The following TRDN variants were observed in gnomAD, a reference collection of about 807,000 sequenced individuals.
TRDN encodes the protein triadin.
TRDN carries 161 observed loss-of-function variants against 149.7 expected under a neutral mutation model. The observed-to-expected ratio is 1.08, with a 90% CI of 0.95 to 1.23. The LOEUF (loss-of-function observed/expected upper bound fraction) is 1.23, where lower values mean the gene tolerates loss of function less well. Among genes scored for constraint, TRDN ranks in the 50% most tolerant of loss-of-function variants. The pLI, the probability that TRDN is intolerant of heterozygous loss-of-function variation, is 0.00. For missense variants in TRDN, 896 were observed against 823.5 expected (o/e 1.09, Z -1.08); for synonymous variants, 294 against 250.5 (o/e 1.17, Z -1.64).
chr6:123,551,960 T>C (rs1246459856), intron 2 of TRDN, among the ~76,000 whole-genome samples: 1 of 152,066 alleles, frequency 6.6e-6, no homozygotes, highest in African/African-American at 2.4e-5. Context: ...TTGCAGCTGC[T>C]TCAGTCATCT....
At chr6:123,373,202 T>C (rs1160320864) in intron 19 of TRDN, among the ~76,000 whole-genome samples, 1 of 152,156 alleles carries the variant, frequency 6.6e-6, no homozygotes, top group Non-Finnish European at 1.5e-5. Context: ...GGGAGGTAAT[T>C]GAATCATGGG....
chr6:123,417,341 C>CCA (rs1466220328), intron 12 of TRDN, among the ~76,000 whole-genome samples: 5 of 152,134 alleles, frequency 3.3e-5, no homozygotes, highest in African/African-American at 1.2e-4. Flanking sequence ...ACCAAAATCA[C>CCA]AGAGTGCAAT....
At chr6:123,228,096 C>T (rs942159867) in intron 38 of TRDN, among the ~76,000 whole-genome samples, 16 of 151,556 alleles carry the variant, frequency 1.1e-4, no homozygotes, top group Admixed American at 3.3e-4. Context: ...AATAGTACAC[C>T]TGCTATGTGC....
intron 38 of TRDN, among the ~76,000 whole-genome samples, chr6:123,236,204 C>T (rs1775781521): frequency 6.6e-6 from 1 of 152,106 alleles, no homozygotes. Flanking sequence ...GTTACTTATC[C>T]TAATAAATGT....
At chr6:123,496,122 T>C (rs999040293) in intron 9 of TRDN, among the ~76,000 whole-genome samples, 15 of 147,172 alleles carry the variant, frequency 1.0e-4, no homozygotes, top group South Asian at 2.1e-4. Flanking sequence ...ATATATAATA[T>C]ATATTTATAA....
intron 9 of TRDN, among the ~76,000 whole-genome samples, chr6:123,495,181 G>A (rs1037766127): frequency 5.3e-5 from 8 of 152,024 alleles, no homozygotes; most frequent in Non-Finnish European, 5.9e-5. Context: ...ACCCTACCAA[G>A]TAGCTGGGAC....
intron 19 of TRDN, 104 bp from the exon 20 acceptor site, chr6:123,366,286 A>C (rs1781097826): frequency 2.6e-6 from 3 of 1,145,526 alleles, no homozygotes; most frequent in Non-Finnish European, 1.2e-6. Flanking sequence ...TATGTTGCAC[A>C]TGAGAGCAAA....
intron 23 of TRDN, among the ~76,000 whole-genome samples, chr6:123,318,124 C>T (rs974796884): frequency 3.9e-5 from 6 of 151,932 alleles, no homozygotes; most frequent in Non-Finnish European, 1.5e-5. Flanking sequence ...GTCTACAATA[C>T]ACAATTCTCT....
At chr6:123,381,205 C>T (rs1382576905) in intron 16 of TRDN, among the ~76,000 whole-genome samples, 165 bp downstream of exon 16, 2 of 152,042 alleles carry the variant, frequency 1.3e-5, no homozygotes, top group African/African-American at 2.4e-5. Flanking sequence ...TCAGTCCACT[C>T]TAACCCCCAG....
In TRDN at chr6:123,382,075, G is replaced by C. The variant is rs997866700; in HGVS notation, c.1165+43C>G. 16 of 1,398,962 alleles carry C rather than the reference G, an allele frequency of 1.1e-5. No homozygotes were observed. The African/African-American group carries it at 2.5e-4, about 22-fold the overall frequency. 86.7% of individuals were successfully genotyped at this position (1,398,962 alleles called of 1,614,324 possible). Reference sequence around the variant, plus strand: ...CTTTAAGAAGGTATGCTGTTTCATGGTTCATCAAACATAAGGCAGAAAAAA... The same window carrying C: ...CTTTAAGAAGGTATGCTGTTTCATGCTTCATCAAACATAAGGCAGAAAAAA... On this transcript the variant is annotated intron_variant, in intron 15 of 40. Transcript: ENST00000334268.
intron 12 of TRDN, among the ~76,000 whole-genome samples, chr6:123,413,649 T>C (rs944701692): frequency 3.9e-5 from 6 of 152,104 alleles, no homozygotes; most frequent in Admixed American, 2.0e-4. Flanking sequence ...AAGAGTGGTG[T>C]TTAATACAGC....
intron 20 of TRDN, among the ~76,000 whole-genome samples, chr6:123,355,744 C>T (rs1305923619): frequency 6.6e-6 from 1 of 151,722 alleles, no homozygotes; most frequent in Non-Finnish European, 1.5e-5. Context: ...ATCAAGTCAT[C>T]TGATTGGTGA....
chr6:123,271,141 G>A lies in TRDN; in HGVS notation c.1718C>T (p.Thr573Ile). 1.3e-6 allele frequency: 2 copies of A among 1,529,556 alleles called. No homozygotes were observed. The highest frequency in any genetic ancestry group is 1.8e-6 in the Non-Finnish European group (2 of 1,137,384). The allele number at this position is 1,529,556 out of a possible 1,614,324, so 94.7% of individuals were successfully genotyped here. Residue 573 changes from threonine (T) to isoleucine (I), a missense_variant and splice_region_variant, in exon 30 of 41, where the codon ACA becomes ATA. Thr to Ile is a moderately conservative substitution (Grantham distance 89). Coordinates refer to ENST00000334268, the MANE Select transcript of TRDN (RefSeq NM_006073.4). ...KQVKAVTIEK[T>I]AKPKPTKKAE... ...AAAATATAAAATACCTTATTTACCTGTTTTTTCTATTGTGACAGCTTTTAC... is the reference window on the plus strand; with the variant it reads ...AAAATATAAAATACCTTATTTACCTATTTTTTCTATTGTGACAGCTTTTAC...
chr6:123,495,448 G>T (rs1395098559), intron 9 of TRDN, among the ~76,000 whole-genome samples: 2 of 150,728 alleles, frequency 1.3e-5, no homozygotes, highest in African/African-American at 4.9e-5. Flanking sequence ...GAACCCAGGA[G>T]GCAGAGGTTG....
At chr6:123,370,234 T>C (rs1362100221) in intron 19 of TRDN, among the ~76,000 whole-genome samples, 1 of 152,138 alleles carries the variant, frequency 6.6e-6, no homozygotes, top group African/African-American at 2.4e-5. Context: ...AGTTGTTCTA[T>C]ATTTTGTAAT....
chr6:123,420,398 A>AAAAAC (rs1170617913), intron 12 of TRDN, among the ~76,000 whole-genome samples: 14 of 152,148 alleles, frequency 9.2e-5, no homozygotes, highest in African/African-American at 3.4e-4. Context: ...TTTTAAAAAA[A>AAAAAC]AAACAGCAAA....
At chr6:123,438,799 T>C (rs575590522) in intron 11 of TRDN, 145 bp downstream of exon 11, 242 of 554,136 alleles carry the variant, frequency 4.4e-4, no homozygotes, top group African/African-American at 4.3e-3. Flanking sequence ...ATTTGGAATA[T>C]CTAGACATGT....
Position 123,458,370 on chromosome 6 carries a change from G to C in TRDN, c.931+6536C>G, listed in dbSNP as rs1210791801. Among the ~76,000 whole-genome samples, 6 of 152,268 alleles carry C rather than the reference G, an allele frequency of 3.9e-5. No individual in the cohort carries two copies. In the East Asian group the frequency reaches 9.7e-4, roughly 24 times the overall value. Reference sequence around the variant, plus strand: ...AGATGTAATTCACATTTAAATCATAGACTTTGAATAAAGCAGATTACCCTC... The same window carrying C: ...AGATGTAATTCACATTTAAATCATACACTTTGAATAAAGCAGATTACCCTC... On this transcript the variant is annotated intron_variant, in intron 10 of 40. Coordinates refer to ENST00000334268, the MANE Select transcript of TRDN (RefSeq NM_006073.4).
At position 123,320,268 on chromosome 6, in the gene TRDN, A is replaced by C. The variant is rs956882887; in HGVS notation, c.1472-3773T>G. 4.0e-5 allele frequency among the ~76,000 whole-genome samples: 6 copies of C among 151,734 alleles called. No homozygotes were observed. The South Asian group carries it at 6.2e-4, about 16-fold the overall frequency. On this transcript the variant is annotated intron_variant, in intron 23 of 40. Transcript: ENST00000334268. ...TTGTATTTGCCACATGGTAGTCTCTAAGGTAAGTATATTATATATGTTATC... is the reference window on the plus strand; with the variant it reads ...TTGTATTTGCCACATGGTAGTCTCTCAGGTAAGTATATTATATATGTTATC...
Sources: allele counts gnomAD v4.1 joint callset (sites outside exome capture counted in the v4.1 genomes callset), GRCh38; gene constraint gnomAD v4.1.1; transcripts MANE v1.5; gene names NCBI Gene and HGNC (gene_info 2026-07-23, HGNC 2026-07-21).